The following CORO2A variants were observed in gnomAD, a reference collection of about 807,000 sequenced individuals.
The protein encoded by CORO2A is coronin-2A.
A neutral mutation model predicts 62.4 loss-of-function variants in CORO2A; 47 were observed. That is an observed-to-expected ratio of 0.75 (90% CI 0.60 to 0.96). The LOEUF (loss-of-function observed/expected upper bound fraction) is 0.96, where lower values mean the gene tolerates loss of function less well. Among genes scored for constraint, CORO2A ranks in the 40% least tolerant of loss-of-function variants. CORO2A has a pLI of 0.00. For missense variants in CORO2A, 610 were observed against 684.1 expected, an observed-to-expected ratio of 0.89 and a Z score of 1.21; for synonymous variants, 273 against 268.9, an observed-to-expected ratio of 1.02 and a Z score of -0.15.
chr9:98,126,401 A>T (rs1173201698), intron 11 of CORO2A, 148 bp downstream of exon 11: 7 of 1,060,382 alleles, frequency 6.6e-6, no homozygotes, highest in Non-Finnish European at 9.5e-6. Context: ...TTGTTGAATG[A>T]ATTAACAAAA....
chr9:98,178,083 G>A (rs1828132289), intron 1 of CORO2A, among the ~76,000 whole-genome samples: 7 of 151,910 alleles, frequency 4.6e-5, no homozygotes, highest in Admixed American at 4.6e-4. Flanking sequence ...GTCTCGCTCT[G>A]TCGCCTAGGC....
At position 98,141,139 on chromosome 9, in the gene CORO2A, A is replaced by G. The variant is rs375495395; in HGVS notation, c.202-3451T>C. 4.7e-4 allele frequency among the ~76,000 whole-genome samples: 72 copies of G among 152,174 alleles called. 1 individual carries two copies. In the East Asian group the frequency reaches 6.8e-3, roughly 14 times the overall value. On this transcript the variant is annotated intron_variant, in intron 2 of 11. Coordinates refer to ENST00000375077, the MANE Select transcript of CORO2A (RefSeq NM_052820.4). Reference sequence around the variant, plus strand: ...AAAGAGAACCAAAAAAAAAGGAAAGAATGTGGACTTGTGTCCTTTGTTAGT... The same window carrying G: ...AAAGAGAACCAAAAAAAAAGGAAAGGATGTGGACTTGTGTCCTTTGTTAGT...
At chr9:98,162,585 G>A (rs1260429949) in intron 1 of CORO2A, among the ~76,000 whole-genome samples, 3 of 152,202 alleles carry the variant, frequency 2.0e-5, no homozygotes, top group Admixed American at 6.5e-5. Context: ...CCCTTTGTAT[G>A]TGGCATGGAA....
intron 1 of CORO2A, among the ~76,000 whole-genome samples, chr9:98,166,542 C>G (rs1399128867): frequency 6.6e-6 from 1 of 152,158 alleles, no homozygotes; most frequent in African/African-American, 2.4e-5. Context: ...TGATTTGAAA[C>G]AATCTGATTT....
chr9:98,163,292 C>T (rs1212569759), intron 1 of CORO2A, among the ~76,000 whole-genome samples: 2 of 152,188 alleles, frequency 1.3e-5, no homozygotes, highest in African/African-American at 4.8e-5. Context: ...TGGGTTCAAG[C>T]GATTCTCCTG....
chr9:98,124,864 C>T lies in CORO2A; in HGVS notation c.1488G>A (p.Arg496=), dbSNP rs148606644. Residue 496 remains arginine, a synonymous_variant, in exon 12 of 12, where the codon AGG becomes AGA. Transcript: ENST00000375077. ...MFYRQQEEIR[R]LRELLTQREV... ...CTCGCTGGGTCAACAGCTCCCGGAG[C>T]CTTCGGATCTCCTCCTGTTGCCGGT... The T allele has an allele frequency of 3.1e-4, 490 of 1,588,372 alleles. 1 individual carries two copies. The African/African-American group carries it at 6.1e-3, about 20-fold the overall frequency.
chr9:98,133,266 G>T, intron 4 of CORO2A, 49 bp from the exon 5 acceptor site: 1 of 1,570,510 alleles, frequency 6.4e-7, no homozygotes, highest in Non-Finnish European at 8.7e-7. Context: ...CTTGCCCCTG[G>T]GCCTCATAGT....
chr9:98,188,540 G>T (rs145825494), intron 1 of CORO2A, among the ~76,000 whole-genome samples: 1 of 152,086 alleles, frequency 6.6e-6, no homozygotes, highest in African/African-American at 2.4e-5. Context: ...CGAGACAAGC[G>T]GATCATTTGA....
At chr9:98,143,036 C>T (rs1827595166) in intron 2 of CORO2A, among the ~76,000 whole-genome samples, 1 of 152,218 alleles carries the variant, frequency 6.6e-6, no homozygotes, top group African/African-American at 2.4e-5. Flanking sequence ...CACCTTCTGC[C>T]CATTAGGCCA....
intron 2 of CORO2A, among the ~76,000 whole-genome samples, chr9:98,153,960 T>C (rs1480056475): frequency 6.6e-6 from 1 of 152,210 alleles, no homozygotes; most frequent in Non-Finnish European, 1.5e-5. Context: ...GACATGATCA[T>C]ATGGTTTTTC....
At position 98,192,614 on chromosome 9, in the gene CORO2A, GCGCTCCT is replaced by G. The variant is rs1397115126; in HGVS notation, c.-63_-57del. The G allele has an allele frequency of 6.7e-6, 1 of 150,214 alleles. No homozygotes were observed. Among genetic ancestry groups the G allele is most frequent in the Admixed American group, 6.6e-5 (1 of 15,094 alleles). The allele number at this position is 150,214 out of a possible 1,614,324, so 9.3% of individuals were successfully genotyped here. ...GGCGGCGGCGTCCAGCTCCGGCTCC[GCGCTCCT>G]CGCCGCCCGCCGACTCCCGGCGCCC... On this transcript the variant is annotated 5_prime_UTR_variant, in exon 1 of 12. Transcript: ENST00000375077.
intron 8 of CORO2A, 48 bp from the exon 9 acceptor site, chr9:98,128,767 A>G (rs1827365179): frequency 6.5e-7 from 1 of 1,530,960 alleles, no homozygotes; most frequent in African/African-American, 1.4e-5. Flanking sequence ...GGCTGGGGCC[A>G]CAGTGTTAGG....
At chr9:98,132,339 A>G (rs1377485985) in intron 5 of CORO2A, 38 bp from the exon 6 acceptor site, 1 of 1,567,322 alleles carries the variant, frequency 6.4e-7, no homozygotes, top group Non-Finnish European at 8.8e-7. Flanking sequence ...GAGAGACAGT[A>G]GAGGATCGGG....
intron 1 of CORO2A, among the ~76,000 whole-genome samples, chr9:98,187,967 G>A (rs1034739659): frequency 2.6e-4 from 39 of 152,282 alleles, no homozygotes; most frequent in African/African-American, 6.7e-4. Flanking sequence ...TTGGAAAAGC[G>A]GGATAAAAAG....
At chr9:98,180,561 A>G (rs1439804011) in intron 1 of CORO2A, among the ~76,000 whole-genome samples, 1 of 152,050 alleles carries the variant, frequency 6.6e-6, no homozygotes, top group Non-Finnish European at 1.5e-5. Flanking sequence ...CCTTAAAAGA[A>G]CCATCTCATC....
At chr9:98,171,621 G>A (rs1266602934) in intron 1 of CORO2A, among the ~76,000 whole-genome samples, 2 of 152,158 alleles carry the variant, frequency 1.3e-5, no homozygotes, top group African/African-American at 4.8e-5. Context: ...CCCCCGGGAG[G>A]ATACGACTGA....
chr9:98,169,093 A>AG (rs1292509746), intron 1 of CORO2A, among the ~76,000 whole-genome samples: 1 of 152,188 alleles, frequency 6.6e-6, no homozygotes, highest in Non-Finnish European at 1.5e-5. Flanking sequence ...GCAGCCATCC[A>AG]GGGACCCTCC....
chr9:98,188,248 G>A (rs1828262641), intron 1 of CORO2A, among the ~76,000 whole-genome samples: 1 of 151,964 alleles, frequency 6.6e-6, no homozygotes, highest in Admixed American at 6.6e-5. Context: ...GAGGCCCCCA[G>A]CCCACCCTAG....
intron 1 of CORO2A, among the ~76,000 whole-genome samples, chr9:98,169,645 C>T (rs1455756309): frequency 6.6e-6 from 1 of 152,224 alleles, no homozygotes; most frequent in African/African-American, 2.4e-5. Context: ...TCCTTCTCAT[C>T]TCCACAGACC....
Sources: allele counts gnomAD v4.1 joint callset (sites outside exome capture counted in the v4.1 genomes callset), GRCh38; gene constraint gnomAD v4.1.1; transcripts MANE v1.5; gene names NCBI Gene and HGNC (gene_info 2026-07-23, HGNC 2026-07-21).